Variants in CDH2 observed in about 807,000 individuals in gnomAD.
CDH2 encodes the protein cadherin 2.
CDH2 carries 17 observed loss-of-function variants against 92.0 expected under a neutral mutation model. That is an observed-to-expected ratio of 0.18 (90% CI 0.13 to 0.28). The LOEUF (loss-of-function observed/expected upper bound fraction) is 0.28. Among genes scored for constraint, CDH2 ranks in the 10% least tolerant of loss-of-function variants. The pLI, the probability that CDH2 is intolerant of heterozygous loss-of-function variation, is 1.00. For missense variants in CDH2, 862 were observed against 1,133.1 expected (o/e 0.76, Z 3.44); for synonymous variants, 419 against 415.9 (o/e 1.01, Z -0.09).
intron 1 of CDH2, among the ~76,000 whole-genome samples, chr18:28,165,154 C>T (rs2016359661): frequency 6.6e-6 from 1 of 152,186 alleles, no homozygotes; most frequent in African/African-American, 2.4e-5. Context: ...CAACATCTTG[C>T]TCACTATATG....
intron 1 of CDH2, among the ~76,000 whole-genome samples, chr18:28,171,956 C>T (rs1383935760): frequency 6.6e-6 from 1 of 152,130 alleles, no homozygotes; most frequent in African/African-American, 2.4e-5. Flanking sequence ...ACTGTTGGTG[C>T]CTAAACCACC....
At chr18:28,011,361 T>C (rs17445819) in intron 4 of CDH2, among the ~76,000 whole-genome samples, 6,597 of 152,286 alleles carry the variant, frequency 0.043, 166 homozygotes, top group South Asian at 0.07. Flanking sequence ...CTGGGGATTC[T>C]GTTAATGGTA....
intron 2 of CDH2, among the ~76,000 whole-genome samples, chr18:28,125,315 T>C (rs765962841): frequency 1.3e-5 from 2 of 152,190 alleles, no homozygotes; most frequent in Non-Finnish European, 2.9e-5. Flanking sequence ...GGATGAATAA[T>C]ACATTAAGCA....
intron 7 of CDH2, among the ~76,000 whole-genome samples, chr18:27,995,144 C>T (rs2012539770): frequency 6.6e-6 from 1 of 151,680 alleles, no homozygotes; most frequent in Non-Finnish European, 1.5e-5. Context: ...AACCCCGTCT[C>T]TATTAAAAAT....
At chr18:28,025,957 A>T (rs549575446) in intron 2 of CDH2, among the ~76,000 whole-genome samples, 2 of 152,286 alleles carry the variant, frequency 1.3e-5, no homozygotes, top group African/African-American at 4.8e-5. Flanking sequence ...ATTTGATGGG[A>T]TCATTATTAT....
At chr18:27,989,883 T>C (rs1262708555) in intron 10 of CDH2, among the ~76,000 whole-genome samples, 1 of 152,202 alleles carries the variant, frequency 6.6e-6, no homozygotes, top group Non-Finnish European at 1.5e-5. Context: ...TTTCTTCAAA[T>C]AGTAAATCCA....
At chr18:28,104,424 CT>C (rs1369152678) in intron 2 of CDH2, among the ~76,000 whole-genome samples, 1 of 151,820 alleles carries the variant, frequency 6.6e-6, no homozygotes, top group Non-Finnish European at 1.5e-5. Flanking sequence ...AATTTTTCTC[CT>C]TCTTCAAATA....
At position 27,952,147 on chromosome 18, in the gene CDH2, T is replaced by C; in HGVS notation, c.*6A>G. The stretch of plus-strand genomic sequence containing the variant: ...ACTTGTCCAAAAACCAAGTTCACCC[T>C]GAAGTTCAGTCATCACCTCCACCAT... On this transcript the variant is annotated 3_prime_UTR_variant, in exon 16 of 16. Coordinates refer to ENST00000269141, the MANE Select transcript of CDH2 (RefSeq NM_001792.5). 1 of 1,611,930 alleles carries C rather than the reference T, an allele frequency of 6.2e-7. No individual in the cohort carries two copies. The highest frequency in any genetic ancestry group is 1.7e-5 in the Admixed American group (1 of 59,968).
chr18:27,983,755 C>A (rs1328430307), intron 13 of CDH2, among the ~76,000 whole-genome samples: 1 of 152,192 alleles, frequency 6.6e-6, no homozygotes, highest in Non-Finnish European at 1.5e-5. Context: ...AAATCAGCAC[C>A]AATTCAGTTT....
chr18:28,132,922 C>T (rs889772793), intron 2 of CDH2, among the ~76,000 whole-genome samples: 3 of 152,198 alleles, frequency 2.0e-5, no homozygotes, highest in African/African-American at 7.2e-5. Flanking sequence ...CAAGCATCCT[C>T]AAGACTTAGT....
intron 15 of CDH2, among the ~76,000 whole-genome samples, chr18:27,955,852 A>G (rs2011234906): frequency 6.8e-6 from 1 of 147,480 alleles, no homozygotes; most frequent in South Asian, 2.2e-4. Flanking sequence ...ACATTGCCTT[A>G]TGTTTTAATA....
intron 1 of CDH2, among the ~76,000 whole-genome samples, chr18:28,167,574 C>G (rs1381740653): frequency 2.0e-5 from 3 of 152,020 alleles, no homozygotes; most frequent in Admixed American, 2.0e-4. Flanking sequence ...GCAAAAAAAT[C>G]ATGCTGTTGG....
chr18:28,058,147 CAGTA>C (rs2014331939), intron 2 of CDH2, among the ~76,000 whole-genome samples: 2 of 152,176 alleles, frequency 1.3e-5, no homozygotes, highest in Non-Finnish European at 2.9e-5. Flanking sequence ...TGGATCAAAG[CAGTA>C]CATGCAGGAA....
intron 2 of CDH2, among the ~76,000 whole-genome samples, chr18:28,043,270 T>C (rs1282435353): frequency 2.6e-5 from 4 of 151,338 alleles, no homozygotes; most frequent in Admixed American, 6.6e-5. Flanking sequence ...GGCATAAGAA[T>C]AATATTAATA....
rs2011456762 is a variant in CDH2, at chr18:27,963,339, A to G, written c.2514+18T>C. ...TGAAATGAAAACTCTTATAGAGAAA[A>G]CGAGTGTCTCTCTGTACCTCATTAA... On this transcript the variant is annotated intron_variant, in intron 15 of 15. Coordinates refer to ENST00000269141, the MANE Select transcript of CDH2 (RefSeq NM_001792.5). The G allele has an allele frequency of 6.2e-7, 1 of 1,611,898 alleles. No homozygotes were observed. The highest frequency in any genetic ancestry group is 1.3e-5 in the African/African-American group (1 of 74,844).
At chr18:28,069,416 C>A (rs762312165) in intron 2 of CDH2, among the ~76,000 whole-genome samples, 1 of 152,080 alleles carries the variant, frequency 6.6e-6, no homozygotes, top group Non-Finnish European at 1.5e-5. Flanking sequence ...GAGGAACTAC[C>A]CTCCTCATTT....
intron 5 of CDH2, among the ~76,000 whole-genome samples, chr18:28,008,887 T>A (rs1398646377): frequency 6.6e-6 from 1 of 152,178 alleles, no homozygotes; most frequent in Admixed American, 6.5e-5. Flanking sequence ...TAAGTGTAGA[T>A]GATGGATCAA....
chr18:28,099,965 A>G (rs1223797152), intron 2 of CDH2, among the ~76,000 whole-genome samples: 1 of 152,100 alleles, frequency 6.6e-6, no homozygotes, highest in African/African-American at 2.4e-5. Flanking sequence ...TTTATCTATG[A>G]TATGAAAACT....
In CDH2 at chr18:27,951,257, A is replaced by T. The variant is rs566829350; in HGVS notation, c.*896T>A. ...AAAGAAAATAAAAAATAAAAAAATT[A>T]AAAAAATTAAAAATTGAGTATTCTA... is the stretch of plus-strand genomic sequence containing the variant. On this transcript the variant is annotated 3_prime_UTR_variant, in exon 16 of 16. Transcript: ENST00000269141. 8 of 150,690 alleles carry T rather than the reference A, an allele frequency of 5.3e-5. No individual in the cohort carries two copies. The highest frequency in any genetic ancestry group is 4.2e-4 in the South Asian group (2 of 4,818). 9.3% of individuals were successfully genotyped at this position (150,690 alleles called of 1,614,324 possible).
Sources: gnomAD v4.1 joint callset for allele counts (sites outside exome capture counted in the v4.1 genomes callset) on GRCh38, gnomAD v4.1.1 for gene constraint, MANE v1.5 for transcripts, NCBI Gene and HGNC (gene_info 2026-07-23, HGNC 2026-07-21) for gene names.